CDKAL1: variants seen among roughly 807,000 people sequenced by gnomAD.
CDKAL1 encodes the protein threonylcarbamoyladenosine tRNA methylthiotransferase.
CDKAL1 carries 32 observed loss-of-function variants against 68.2 expected under a neutral mutation model. The observed-to-expected ratio is 0.47, with a 90% CI of 0.35 to 0.63. CDKAL1 has a LOEUF of 0.63. Ranked by LOEUF, CDKAL1 falls within the 30% of genes least tolerant of loss-of-function variation. The pLI, the probability that CDKAL1 is intolerant of heterozygous loss-of-function variation, is 0.00. For synonymous variants in CDKAL1, 234 were observed against 244.3 expected, an observed-to-expected ratio of 0.96 and a Z score of 0.39; for missense variants, 606 against 696.7, an observed-to-expected ratio of 0.87 and a Z score of 1.47.
chr6:21,154,533 A>G (rs1447621461), intron 13 of CDKAL1, among the ~76,000 whole-genome samples: 1 of 152,230 alleles, frequency 6.6e-6, no homozygotes, highest in Non-Finnish European at 1.5e-5. Context: ...AGAAAAATGT[A>G]TTGCTTAGTT....
chr6:20,902,549 A>G (rs1762051268), intron 9 of CDKAL1, among the ~76,000 whole-genome samples: 1 of 152,174 alleles, frequency 6.6e-6, no homozygotes, highest in African/African-American at 2.4e-5. Context: ...TGCCTGTGAG[A>G]TATCAAAGGG....
intron 7 of CDKAL1, among the ~76,000 whole-genome samples, chr6:20,775,308 T>C (rs900092185): frequency 6.6e-6 from 1 of 152,180 alleles, no homozygotes; most frequent in African/African-American, 2.4e-5. Flanking sequence ...ACTCCCTTTT[T>C]CTTTTCTATA....
chr6:20,925,277 A>G (rs943503707), intron 9 of CDKAL1, among the ~76,000 whole-genome samples: 3 of 152,238 alleles, frequency 2.0e-5, no homozygotes, highest in African/African-American at 7.2e-5. Context: ...ACATGATACT[A>G]TTGCATACTT....
intron 5 of CDKAL1, among the ~76,000 whole-genome samples, chr6:20,718,792 G>T (rs147702653): frequency 3.9e-5 from 6 of 152,172 alleles, no homozygotes; most frequent in Admixed American, 1.3e-4. Flanking sequence ...CAGCTTTTGG[G>T]AGAGTGTTCA....
chr6:20,920,750 G>T (rs1762916489), intron 9 of CDKAL1, among the ~76,000 whole-genome samples: 1 of 152,134 alleles, frequency 6.6e-6, no homozygotes, highest in Non-Finnish European at 1.5e-5. Flanking sequence ...ATTCTTCCGG[G>T]AGCTGTGAAC....
At chr6:20,579,725 C>A (rs969995845) in intron 4 of CDKAL1, among the ~76,000 whole-genome samples, 6 of 152,206 alleles carry the variant, frequency 3.9e-5, no homozygotes, top group Admixed American at 3.3e-4. Context: ...CCGTGTGCCT[C>A]AGCCTCCCCT....
chr6:20,912,068 G>A (rs181811471), intron 9 of CDKAL1, among the ~76,000 whole-genome samples: 6 of 152,282 alleles, frequency 3.9e-5, no homozygotes, highest in East Asian at 1.9e-4. Context: ...CATGGTGGTT[G>A]ATGTACCCAG....
At position 20,605,716 on chromosome 6, in the gene CDKAL1, C is replaced by T. The variant is rs78130112; in HGVS notation, c.287-43577C>T. On this transcript the variant is annotated intron_variant, in intron 4 of 15. Coordinates refer to ENST00000274695, the MANE Select transcript of CDKAL1 (RefSeq NM_017774.3). ...TCCCTGCTACTGAGGCAAGATCCTT[C>T]TGTGTGCTTTACTCAGTGCCCCATC... Among the ~76,000 whole-genome samples, 789 of 152,276 alleles carry T rather than the reference C, an allele frequency of 5.2e-3. 6 individuals are homozygous for T. The highest frequency in any genetic ancestry group is 0.018 in the African/African-American group (734 of 41,556).
At chr6:21,154,481 A>G (rs999213511) in intron 13 of CDKAL1, among the ~76,000 whole-genome samples, 9 of 152,348 alleles carry the variant, frequency 5.9e-5, no homozygotes, top group African/African-American at 1.9e-4. Flanking sequence ...AATTTTATCA[A>G]TATCTGGATA....
At chr6:20,916,433 C>G (rs1206960899) in intron 9 of CDKAL1, among the ~76,000 whole-genome samples, 1 of 152,096 alleles carries the variant, frequency 6.6e-6, no homozygotes, top group African/African-American at 2.4e-5. Flanking sequence ...AGAGAAGTCA[C>G]TGATAAATGG....
intron 2 of CDKAL1, among the ~76,000 whole-genome samples, chr6:20,543,847 C>T (rs1198834389): frequency 6.7e-6 from 1 of 150,344 alleles, no homozygotes; most frequent in African/African-American, 2.5e-5. Flanking sequence ...AGCAATTCTC[C>T]TGCCTCAGCC....
intron 10 of CDKAL1, among the ~76,000 whole-genome samples, chr6:20,986,997 TA>T (rs1239398556): frequency 5.3e-5 from 8 of 152,270 alleles, no homozygotes; most frequent in African/African-American, 1.7e-4. Flanking sequence ...AAATAGGAAG[TA>T]TTTTGACCTT....
intron 9 of CDKAL1, among the ~76,000 whole-genome samples, chr6:20,910,646 G>C (rs902120709): frequency 6.6e-6 from 1 of 152,094 alleles, no homozygotes; most frequent in Non-Finnish European, 1.5e-5. Context: ...GCATGGTGTT[G>C]TGGGTTAAAT....
chr6:20,961,063 G>C (rs577292124), intron 10 of CDKAL1, among the ~76,000 whole-genome samples: 1 of 152,316 alleles, frequency 6.6e-6, no homozygotes, highest in South Asian at 2.1e-4. Flanking sequence ...GGCTGATAGG[G>C]AAAAGATGTT....
chr6:21,139,948 A>G lies in CDKAL1; in HGVS notation c.1299+31485A>G, dbSNP rs1775815715. Among the ~76,000 whole-genome samples, 7 of 152,246 alleles carry G rather than the reference A, an allele frequency of 4.6e-5. No homozygotes were observed. The South Asian group carries it at 1.4e-3, about 32-fold the overall frequency. On this transcript the variant is annotated intron_variant, in intron 13 of 15. Coordinates refer to ENST00000274695, the MANE Select transcript of CDKAL1 (RefSeq NM_017774.3). ...TAAATTACAAGGGTATTTTCTTCAC[A>G]ATCCCTAATAAGGGAAAGACTGCAA... is the stretch of plus-strand genomic sequence containing the variant.
chr6:20,744,098 A>G (rs913947873), intron 6 of CDKAL1, among the ~76,000 whole-genome samples: 6 of 152,100 alleles, frequency 3.9e-5, no homozygotes, highest in Non-Finnish European at 7.4e-5. Context: ...TTAATCATCT[A>G]CCTTAGAGTT....
chr6:21,227,890 A>C (rs1417398668), intron 15 of CDKAL1, among the ~76,000 whole-genome samples: 1 of 152,350 alleles, frequency 6.6e-6, no homozygotes, highest in East Asian at 1.9e-4. Flanking sequence ...TTGTCATCAG[A>C]AGTCAAAGAG....
intron 13 of CDKAL1, among the ~76,000 whole-genome samples, chr6:21,159,817 T>TA (rs11442196): frequency 0.34 from 51,569 of 152,060 alleles, 9,096 homozygotes; most frequent in African/African-American, 0.43. Context: ...ATTAAACCCT[T>TA]ACTTCAGGCA....
intron 13 of CDKAL1, among the ~76,000 whole-genome samples, chr6:21,122,657 C>G (rs928378655): frequency 3.5e-4 from 53 of 151,314 alleles, no homozygotes; most frequent in African/African-American, 1.2e-3. Flanking sequence ...TATTTAGAGA[C>G]AAGATCGCAC....
Sources: gnomAD v4.1 joint callset for allele counts (sites outside exome capture counted in the v4.1 genomes callset) on GRCh38, gnomAD v4.1.1 for gene constraint, MANE v1.5 for transcripts, NCBI Gene and HGNC (gene_info 2026-07-23, HGNC 2026-07-21) for gene names.